CUX2: variants seen among roughly 807,000 people sequenced by gnomAD.
The protein encoded by CUX2 is homeobox protein cut-like 2.
CUX2 carries 40 observed loss-of-function variants against 144.8 expected under a neutral mutation model. The ratio of observed to expected loss-of-function variants is 0.28; its 90% CI spans 0.21 to 0.36. The LOEUF (loss-of-function observed/expected upper bound fraction) is 0.36. Ranked by LOEUF, CUX2 falls within the 10% of genes least tolerant of loss-of-function variation. The probability of loss-of-function intolerance (pLI) is 1.00; values close to 1 mark genes in which losing one functional copy is unlikely to be tolerated. For synonymous variants in CUX2, 827 were observed against 875.6 expected, an observed-to-expected ratio of 0.94 and a Z score of 0.98; for missense variants, 1,615 against 1,994.0, an observed-to-expected ratio of 0.81 and a Z score of 3.62.
At chr12:111,164,921 C>T (rs950696653) in intron 1 of CUX2, among the ~76,000 whole-genome samples, 13 of 152,226 alleles carry the variant, frequency 8.5e-5, no homozygotes, top group Admixed American at 3.3e-4. Flanking sequence ...CCAGGTGACT[C>T]GTGTGAAAAT....
chr12:111,224,937 G>T, intron 3 of CUX2, among the ~76,000 whole-genome samples: 1 of 152,120 alleles, frequency 6.6e-6, no homozygotes, highest in South Asian at 2.1e-4. Context: ...AGACAGAGTT[G>T]CTCTGTTTCC....
intron 3 of CUX2, among the ~76,000 whole-genome samples, chr12:111,229,930 C>T (rs1051168314): frequency 3.3e-5 from 5 of 150,910 alleles, no homozygotes; most frequent in Admixed American, 2.0e-4. Context: ...GGGAGGACTG[C>T]ATGAGCCCAG....
chr12:111,201,554 G>A (rs777678896), intron 1 of CUX2, among the ~76,000 whole-genome samples: 1 of 152,142 alleles, frequency 6.6e-6, no homozygotes, highest in African/African-American at 2.4e-5. Context: ...CTTTTCTTGG[G>A]ACTACGCCTG....
At position 111,295,278 on chromosome 12, in the gene CUX2, C is replaced by G; in HGVS notation, c.561-55C>G. The G allele has an allele frequency of 4.5e-6, 7 of 1,570,916 alleles. No individual in the cohort carries two copies. In the East Asian group the frequency reaches 1.4e-4, roughly 31 times the overall value. The stretch of plus-strand genomic sequence containing the variant: ...AGCAAGATGGGGCTCGACTCGGGGG[C>G]CCCAGGCAAGGCCTGTCCCTGCAGC... On this transcript the variant is annotated intron_variant, in intron 6 of 21. Transcript: ENST00000261726. The surrounding 1 kb of genome is among the most constrained non-coding windows in gnomAD (Gnocchi z 5.0).
chr12:111,109,583 T>C (rs1873814081), intron 1 of CUX2, among the ~76,000 whole-genome samples: 1 of 152,176 alleles, frequency 6.6e-6, no homozygotes, highest in South Asian at 2.1e-4. Context: ...CACCTCAGTC[T>C]TGGACTCAGG....
At chr12:111,097,044 T>C (rs896620351) in intron 1 of CUX2, among the ~76,000 whole-genome samples, 6 of 151,880 alleles carry the variant, frequency 4.0e-5, no homozygotes, top group African/African-American at 1.5e-4. Flanking sequence ...TGAGTCCCTG[T>C]TGTCAAGATA....
chr12:111,139,102 C>T (rs1307700342), intron 1 of CUX2, among the ~76,000 whole-genome samples: 8 of 151,878 alleles, frequency 5.3e-5, no homozygotes, highest in Non-Finnish European at 1.2e-4. Context: ...TGACCTCCAG[C>T]AGGTTGTTAA....
intron 18 of CUX2, among the ~76,000 whole-genome samples, chr12:111,329,081 C>T (rs370231581): frequency 2.7e-5 from 4 of 146,148 alleles, no homozygotes; most frequent in African/African-American, 1.0e-4. Flanking sequence ...CTGTCTCTTC[C>T]TCCCTGACCC....
chr12:111,120,361 G>A (rs1361779454), intron 1 of CUX2, among the ~76,000 whole-genome samples: 1 of 152,058 alleles, frequency 6.6e-6, no homozygotes, highest in Non-Finnish European at 1.5e-5. Context: ...GGGGATCACC[G>A]GCTATTACTT....
intron 1 of CUX2, among the ~76,000 whole-genome samples, chr12:111,207,448 C>T (rs375779614): frequency 3.3e-5 from 5 of 152,088 alleles, no homozygotes; most frequent in Admixed American, 2.0e-4. Context: ...CATTGATGGA[C>T]GAGTGGATGG....
At chr12:111,100,466 C>T (rs748978445) in intron 1 of CUX2, among the ~76,000 whole-genome samples, 27 of 151,996 alleles carry the variant, frequency 1.8e-4, no homozygotes, top group Admixed American at 4.6e-4. Flanking sequence ...TCTTGGCCCT[C>T]TGTGTCTTTC....
At chr12:111,200,945 G>A (rs1362513877) in intron 1 of CUX2, among the ~76,000 whole-genome samples, 2 of 152,166 alleles carry the variant, frequency 1.3e-5, no homozygotes, top group Non-Finnish European at 2.9e-5. Context: ...GGGCCTCTCC[G>A]TAAACCCTCG....
chr12:111,318,387 G>C (rs2136393686), intron 16 of CUX2, among the ~76,000 whole-genome samples: 1 of 151,026 alleles, frequency 6.6e-6, no homozygotes, highest in East Asian at 2.0e-4. Flanking sequence ...ACTGCTCCCA[G>C]CCTTCACCTG....
chr12:111,106,573 G>T (rs749511255), intron 1 of CUX2, among the ~76,000 whole-genome samples: 3 of 152,226 alleles, frequency 2.0e-5, no homozygotes, highest in Non-Finnish European at 2.9e-5. Flanking sequence ...TGGAATTACA[G>T]GTGTGCACCA....
At chr12:111,280,528 A>G (rs756251070) in intron 4 of CUX2, among the ~76,000 whole-genome samples, 1 of 152,104 alleles carries the variant, frequency 6.6e-6, no homozygotes, top group Non-Finnish European at 1.5e-5. Context: ...GCTGTGCCCC[A>G]TTACCACAAA....
rs112234941 is a variant in CUX2 at position 111,114,758 on chromosome 12, C to A, written c.63+80518C>A. ...ATCTTTGCTTAGCTCCAAAGATATT[C>A]TCCTATGTTTCTTTTGGAAGTGCTG... On this transcript the variant is annotated intron_variant, in intron 1 of 21. Coordinates refer to ENST00000261726, the MANE Select transcript of CUX2 (RefSeq NM_015267.4). Among the ~76,000 whole-genome samples the A allele has an allele frequency of 3.1e-3, 479 of 152,290 alleles. 3 individuals are homozygous for A. The highest frequency in any genetic ancestry group is 0.015 in the South Asian group (74 of 4,822).
chr12:111,075,268 T>C (rs1255264478), intron 1 of CUX2, among the ~76,000 whole-genome samples: 1 of 152,154 alleles, frequency 6.6e-6, no homozygotes, highest in Non-Finnish European at 1.5e-5. Context: ...ACCGCAAAAT[T>C]ACAGCTCAGA....
At chr12:111,316,161 G>A (rs554571162) in intron 16 of CUX2, among the ~76,000 whole-genome samples, 1 of 131,324 alleles carries the variant, frequency 7.6e-6, no homozygotes, top group East Asian at 2.5e-4. Context: ...TTTTTTTTGA[G>A]ACAGAGTTGT....
intron 1 of CUX2, among the ~76,000 whole-genome samples, chr12:111,044,662 T>C (rs973818703): frequency 3.3e-5 from 5 of 152,252 alleles, no homozygotes; most frequent in Admixed American, 6.5e-5. Flanking sequence ...ATTTGTTTAC[T>C]GTCTGCCTCC....
Sources: allele counts gnomAD v4.1 joint callset (sites outside exome capture counted in the v4.1 genomes callset), GRCh38; gene constraint gnomAD v4.1.1; non-coding constraint Gnocchi (gnomAD v3.1); transcripts MANE v1.5; gene names NCBI Gene and HGNC (gene_info 2026-07-23, HGNC 2026-07-21).